The following TRIM67 variants were observed in gnomAD, a reference collection of about 807,000 sequenced individuals.
TRIM67 encodes the protein tripartite motif-containing protein 67.
A neutral mutation model predicts 71.0 loss-of-function variants in TRIM67; 39 were observed. The ratio of observed to expected loss-of-function variants is 0.55; its 90% confidence interval spans 0.43 to 0.72. The LOEUF is 0.72. Among genes scored for constraint, TRIM67 ranks in the 30% least tolerant of loss-of-function variants. The pLI, the probability that TRIM67 is intolerant of heterozygous loss-of-function variation, is 0.00. For missense variants in TRIM67, 973 were observed against 1,079.2 expected, an observed-to-expected ratio of 0.90 and a Z score of 1.38; for synonymous variants, 481 against 473.9, an observed-to-expected ratio of 1.01 and a Z score of -0.19.
chr1:231,162,810 A>C lies in TRIM67; in HGVS notation c.-160A>C. ...CATCTTAGGGCGGTGGCTACAGGAC[A>C]GAGAGAGGGGCGTGCCCCTCGGCTG... On this transcript the variant is annotated 5_prime_UTR_variant, in exon 1 of 10. Coordinates refer to ENST00000366653, the MANE Select transcript of TRIM67 (RefSeq NM_001004342.5). 1 of 901,640 alleles carries C rather than the reference A, an allele frequency of 1.1e-6. No homozygotes were observed. The highest frequency in any genetic ancestry group is 1.6e-6 in the Non-Finnish European group (1 of 612,516). 55.9% of individuals were successfully genotyped at this position (901,640 alleles called of 1,614,324 possible).
intron 1 of TRIM67, among the ~76,000 whole-genome samples, chr1:231,196,280 T>C (rs1683369838): frequency 6.6e-6 from 1 of 152,072 alleles, no homozygotes. Flanking sequence ...TCCTCAGCTT[T>C]TTAATGTGGA....
chr1:231,174,431 G>A (rs1358875945), intron 1 of TRIM67, among the ~76,000 whole-genome samples: 5 of 151,840 alleles, frequency 3.3e-5, no homozygotes, highest in African/African-American at 9.7e-5. Context: ...CACCCAAAGT[G>A]TTGGGATTAT....
Position 231,162,928 on chromosome 1 carries a change from A to G in TRIM67, c.-42A>G. 1 of 1,594,414 alleles carries G rather than the reference A, an allele frequency of 6.3e-7. No homozygotes were observed. The highest frequency in any genetic ancestry group is 8.5e-7 in the Non-Finnish European group (1 of 1,173,362). On this transcript the variant is annotated 5_prime_UTR_variant, in exon 1 of 10. Transcript: ENST00000366653. ...TCCGCCAGTCTCCCGAGCTCCGGCC[A>G]TTCATCCCCAGCGCAGAGCAGCGCT...
Position 231,167,114 on chromosome 1 carries a change from G to A in TRIM67, c.1044+3101G>A, listed in dbSNP as rs936296466. ...GGGTAGGAGTTGATTCCTAAGTTGAGGTTAGAGAATAATTCTTTTTTCTTT... is the reference window on the plus strand; with the variant it reads ...GGGTAGGAGTTGATTCCTAAGTTGAAGTTAGAGAATAATTCTTTTTTCTTT... On this transcript the variant is annotated intron_variant, in intron 1 of 9. Coordinates refer to ENST00000366653, the MANE Select transcript of TRIM67 (RefSeq NM_001004342.5). 3.3e-5 allele frequency among the ~76,000 whole-genome samples: 5 copies of A among 152,092 alleles called. No individual in the cohort carries two copies. In the East Asian group the frequency reaches 5.8e-4, roughly 18 times the overall value.
At chr1:231,184,963 G>C in intron 1 of TRIM67, 1 of 1,487,090 alleles carries the variant, frequency 6.7e-7, no homozygotes, top group Non-Finnish European at 9.0e-7. Flanking sequence ...AGGGTTGCTG[G>C]ATAAACACCC....
chr1:231,174,527 G>A (rs1184066253), intron 1 of TRIM67, among the ~76,000 whole-genome samples: 1 of 151,726 alleles, frequency 6.6e-6, no homozygotes, highest in Non-Finnish European at 1.5e-5. Context: ...TGTTACAGTT[G>A]GGGTAACTTC....
chr1:231,177,050 T>C (rs1270261754), intron 1 of TRIM67, among the ~76,000 whole-genome samples: 1 of 152,086 alleles, frequency 6.6e-6, no homozygotes, highest in Non-Finnish European at 1.5e-5. Context: ...GGCAGGGATA[T>C]GGACTTACTT....
At chr1:231,199,468 A>G (rs1267748345) in intron 3 of TRIM67, among the ~76,000 whole-genome samples, 6 of 152,206 alleles carry the variant, frequency 3.9e-5, no homozygotes, top group African/African-American at 1.2e-4. Context: ...GAAGTGACCA[A>G]TGACAGTGAC....
chr1:231,167,063 G>A (rs542298996), intron 1 of TRIM67, among the ~76,000 whole-genome samples: 2 of 152,324 alleles, frequency 1.3e-5, no homozygotes, highest in South Asian at 2.1e-4. Context: ...CCTGCTGGGT[G>A]CAGATGGCCA....
rs560790784 is a variant in TRIM67, at chr1:231,176,446, G to A, written c.1044+12433G>A. Among the ~76,000 whole-genome samples the A allele has an allele frequency of 1.9e-4, 29 of 152,098 alleles. No homozygotes were observed. In the East Asian group the frequency reaches 5.2e-3, roughly 27 times the overall value. On this transcript the variant is annotated intron_variant, in intron 1 of 9. Transcript: ENST00000366653. ...CTGAAGATAAGATGATGCTTGAGCT[G>A]GGGTCACGGATGGTGAGTAGGTTCA...
intron 5 of TRIM67, among the ~76,000 whole-genome samples, chr1:231,202,201 C>A (rs1683564884): frequency 2.0e-5 from 3 of 149,316 alleles, no homozygotes; most frequent in Non-Finnish European, 4.5e-5. Context: ...GAGGTGGTGG[C>A]TGAGATAGTG....
In TRIM67 at chr1:231,216,383, A is replaced by G. The variant is rs1006653191; in HGVS notation, c.*943A>G. The G allele has an allele frequency of 6.2e-5, 61 of 985,322 alleles. No individual in the cohort carries two copies. The highest frequency in any genetic ancestry group is 6.9e-5 in the Non-Finnish European group (57 of 829,948). 61.0% of individuals were successfully genotyped at this position (985,322 alleles called of 1,614,324 possible). On this transcript the variant is annotated 3_prime_UTR_variant, in exon 10 of 10. Transcript: ENST00000366653. ...ACGTGAAAACACAAGAATTTTAACA[A>G]CTATGTCATAGGTCTTCGCCTGGTG...
rs747146108 is a variant in TRIM67, at chr1:231,203,972, A to G, written c.1640A>G (p.Tyr547Cys). Residue 547 changes from tyrosine to cysteine, a missense_variant, in exon 6 of 10, where the codon TAC (tyrosine) becomes TGC (cysteine). Tyr to Cys is a radical substitution (Grantham distance 194, BLOSUM62 -2). This residue lies in a region of TRIM67 where 795 missense variants were observed against 831.3 expected (regional missense o/e 0.96). Coordinates refer to ENST00000366653, the MANE Select transcript of TRIM67 (RefSeq NM_001004342.5). ...PPFTHSPVDGYILELDDGAGG... is the reference protein window; with the variant it reads ...PPFTHSPVDGCILELDDGAGG... ...TTCACCCACAGCCCCGTGGACGGCT[A>G]CATCCTGGAGCTGGACGACGGTGCC... is the stretch of plus-strand genomic sequence containing the variant. The G allele has an allele frequency of 7.4e-6, 12 of 1,613,894 alleles. No homozygotes were observed. Among genetic ancestry groups the G allele is most frequent in the Admixed American group, 5.0e-5 (3 of 60,002 alleles).
At chr1:231,175,662 A>T (rs572679276) in intron 1 of TRIM67, among the ~76,000 whole-genome samples, 1 of 152,350 alleles carries the variant, frequency 6.6e-6, no homozygotes, top group African/African-American at 2.4e-5. Flanking sequence ...ATTGCTCCGA[A>T]GGGAGATACC....
intron 5 of TRIM67, 112 bp from the exon 6 acceptor site, chr1:231,203,755 T>G (rs1683615953): frequency 7.2e-7 from 1 of 1,392,716 alleles, no homozygotes; most frequent in Admixed American, 2.3e-5. Context: ...GGGAGGGAAT[T>G]TAGCCTGGCT....
rs769706879 is a variant in TRIM67 at position 231,201,472 on chromosome 1, C to T, written c.1489C>T (p.Leu497=). The T allele has an allele frequency of 1.6e-5, 26 of 1,613,810 alleles. No individual in the cohort carries two copies. In the South Asian group the frequency reaches 2.7e-4, roughly 17 times the overall value. ...TCTGACTTTGGACAGCGAGCCGCTG[C>T]TGCAGGCCATCCACCAGCTGGACTT... The part of the protein sequence containing the change: ...FDLTLDSEPL[L]QAIHQLDFIQ... Residue 497 remains leucine, a synonymous_variant, in exon 5 of 10, where the codon CTG becomes TTG. Coordinates refer to ENST00000366653, the MANE Select transcript of TRIM67 (RefSeq NM_001004342.5).
chr1:231,196,960 A>T (rs889591877), intron 1 of TRIM67, among the ~76,000 whole-genome samples: 26 of 152,274 alleles, frequency 1.7e-4, no homozygotes, highest in African/African-American at 4.6e-4. Context: ...ATGACTGTGT[A>T]GGGATGGGGT....
At chr1:231,185,237 C>T in intron 1 of TRIM67, 2 of 1,532,714 alleles carry the variant, frequency 1.3e-6, no homozygotes, top group Non-Finnish European at 1.7e-6. Context: ...TGAAAACTCC[C>T]TGTGAGAAAG....
At position 231,215,887 on chromosome 1, in the gene TRIM67, T is replaced by C; in HGVS notation, c.*447T>C. Reference sequence around the variant, plus strand: ...CGGGTGTTGGCCCTCCGTGGGGACCTTGCCTCCTCAGAGTCCCGAGATTGC... The same window carrying C: ...CGGGTGTTGGCCCTCCGTGGGGACCCTGCCTCCTCAGAGTCCCGAGATTGC... On this transcript the variant is annotated 3_prime_UTR_variant, in exon 10 of 10. Coordinates refer to ENST00000366653, the MANE Select transcript of TRIM67 (RefSeq NM_001004342.5). The C allele has an allele frequency of 1.0e-6, 1 of 995,262 alleles. No homozygotes were observed. The allele number at this position is 995,262 out of a possible 1,614,324, so 61.7% of individuals were successfully genotyped here. A position where few individuals can be genotyped will look rare whatever the true frequency, so the allele number is the denominator to read the frequency against.
Sources: gnomAD v4.1 joint callset for allele counts (sites outside exome capture counted in the v4.1 genomes callset) on GRCh38, gnomAD v4.1.1 for gene constraint, gnomAD v4.1.1 regional missense constraint, MANE v1.5 for transcripts, NCBI Gene and HGNC (gene_info 2026-07-23, HGNC 2026-07-21) for gene names.